Variants in GRM7 observed in about 807,000 individuals in gnomAD.
GRM7 encodes glutamate metabotropic receptor 7.
A neutral mutation model predicts 84.5 loss-of-function variants in GRM7; 35 were observed. That is an observed-to-expected ratio of 0.41 (90% confidence interval 0.32 to 0.55). The LOEUF is 0.55. Ranked by LOEUF, GRM7 falls within the 20% of genes least tolerant of loss-of-function variation. GRM7 has a pLI of 0.19. For synonymous variants in GRM7, 487 were observed against 455.1 expected, an observed-to-expected ratio of 1.07 and a Z score of -0.89; for missense variants, 1,003 against 1,194.6, an observed-to-expected ratio of 0.84 and a Z score of 2.36.
chr3:7,145,290 A>G lies in GRM7; in HGVS notation c.520-1162A>G, dbSNP rs556181533. On this transcript the variant is annotated intron_variant, in intron 1 of 9. Coordinates refer to ENST00000357716, the MANE Select transcript of GRM7 (RefSeq NM_000844.4). ...GAGAGTTTGTAAGCAGAATTTTGTCAGAGTTGATCATTCTTACGTGAAAAT... is the reference window on the plus strand; with the variant it reads ...GAGAGTTTGTAAGCAGAATTTTGTCGGAGTTGATCATTCTTACGTGAAAAT... 2.9e-4 allele frequency among the ~76,000 whole-genome samples: 44 copies of G among 152,242 alleles called. 2 individuals carry two copies. The South Asian group carries it at 3.7e-3, about 13-fold the overall frequency.
chr3:7,529,730 C>T (rs1026578483), intron 7 of GRM7, among the ~76,000 whole-genome samples: 1 of 151,932 alleles, frequency 6.6e-6, no homozygotes, highest in Non-Finnish European at 1.5e-5. Flanking sequence ...ACTCTCCATC[C>T]TCAATGTCTA....
intron 2 of GRM7, among the ~76,000 whole-genome samples, chr3:7,197,683 A>G (rs1462029311): frequency 1.4e-5 from 2 of 146,740 alleles, no homozygotes; most frequent in Non-Finnish European, 3.0e-5. Context: ...CAAGGAAAAA[A>G]TACTTTTTAC....
At chr3:7,185,639 A>G (rs1695489341) in intron 2 of GRM7, among the ~76,000 whole-genome samples, 1 of 152,150 alleles carries the variant, frequency 6.6e-6, no homozygotes, top group Non-Finnish European at 1.5e-5. Context: ...AGTTCTTAAG[A>G]AGTGGTACCC....
chr3:7,527,996 T>G (rs1317424136), intron 7 of GRM7, among the ~76,000 whole-genome samples: 1 of 152,062 alleles, frequency 6.6e-6, no homozygotes, highest in Non-Finnish European at 1.5e-5. Context: ...ATTTTTTTGT[T>G]GCATCTTTGC....
intron 2 of GRM7, among the ~76,000 whole-genome samples, chr3:7,277,464 T>A (rs539654486): frequency 6.6e-6 from 1 of 152,102 alleles, no homozygotes; most frequent in Admixed American, 6.5e-5. Context: ...TAAATCTGGT[T>A]GTTTGGAGCT....
At position 7,610,984 on chromosome 3, in the gene GRM7, G is replaced by A. The variant is rs569982123; in HGVS notation, c.2451+31627G>A. Among the ~76,000 whole-genome samples, 21 of 152,278 alleles carry A rather than the reference G, an allele frequency of 1.4e-4. No homozygotes were observed. The South Asian group carries it at 3.9e-3, about 29-fold the overall frequency. On this transcript the variant is annotated intron_variant, in intron 8 of 9. Transcript: ENST00000357716. ...TTCCCTAGGCATAGCTGAGCCAGTA[G>A]TATTCTGTCTGTCCTTAAATATTTA...
At chr3:7,045,073 A>T (rs371236031) in intron 1 of GRM7, among the ~76,000 whole-genome samples, 2 of 152,270 alleles carry the variant, frequency 1.3e-5, no homozygotes, top group African/African-American at 4.8e-5. Context: ...AATGTGATGA[A>T]GGGTGGTGTG....
chr3:7,152,864 G>A (rs1377048875), intron 2 of GRM7, among the ~76,000 whole-genome samples: 1 of 152,172 alleles, frequency 6.6e-6, no homozygotes, highest in Non-Finnish European at 1.5e-5. Context: ...AGATATTCAT[G>A]TTCCTAGCCT....
At chr3:7,694,250 A>C (rs1448461186) in intron 9 of GRM7, 1 of 154,058 alleles carries the variant, frequency 6.5e-6, no homozygotes, top group African/African-American at 2.4e-5. Context: ...GAAATAAATA[A>C]AGGTAAAGGG....
chr3:7,125,235 G>A (rs977659888), intron 1 of GRM7, among the ~76,000 whole-genome samples: 5 of 152,150 alleles, frequency 3.3e-5, no homozygotes, highest in Non-Finnish European at 5.9e-5. Context: ...CACCATGCCC[G>A]GCCTAATAGT....
intron 7 of GRM7, among the ~76,000 whole-genome samples, chr3:7,506,054 G>C (rs1700030643): frequency 6.6e-6 from 1 of 152,092 alleles, no homozygotes; most frequent in Admixed American, 6.6e-5. Flanking sequence ...TTTACTGTAA[G>C]TGGTTAAAAA....
intron 1 of GRM7, among the ~76,000 whole-genome samples, chr3:6,962,358 A>C (rs1426717831): frequency 6.6e-6 from 1 of 152,210 alleles, no homozygotes; most frequent in Non-Finnish European, 1.5e-5. Context: ...AGAGCTATGA[A>C]TTATATCTAC....
At position 7,475,737 on chromosome 3, in the gene GRM7, G is replaced by A. The variant is rs1483446544; in HGVS notation, c.1515+14015G>A. On this transcript the variant is annotated intron_variant, in intron 7 of 9. Transcript: ENST00000357716. ...TGGCAAAACCATTGAAGATTTTCTG[G>A]AAGCCTTGCAGATTTCACTGTCAAG... Among the ~76,000 whole-genome samples the A allele has an allele frequency of 2.6e-5, 4 of 152,172 alleles. 1 individual carries two copies. Among genetic ancestry groups the A allele is most frequent in the Admixed American group, 2.6e-4 (4 of 15,278 alleles).
intron 4 of GRM7, among the ~76,000 whole-genome samples, chr3:7,359,805 T>C (rs1575217150): frequency 6.7e-6 from 1 of 148,704 alleles, no homozygotes; most frequent in East Asian, 1.9e-4. Flanking sequence ...TTGAGCAAAG[T>C]ATAAACTTAA....
chr3:7,326,211 A>C (rs2125060008), intron 4 of GRM7, among the ~76,000 whole-genome samples: 1 of 152,154 alleles, frequency 6.6e-6, no homozygotes, highest in African/African-American at 2.4e-5. Flanking sequence ...TGAGAGAAAA[A>C]CAACACCCTA....
rs1694564113 is a variant in GRM7 at position 7,380,951 on chromosome 3, G to A, written c.1034-34072G>A. On this transcript the variant is annotated intron_variant, in intron 4 of 9. Transcript: ENST00000357716. The stretch of plus-strand genomic sequence containing the variant: ...TTCTATTAAAATGGAGACTATAAAA[G>A]GAAGACCGTGTGTTTTGAAGTCATA... Among the ~76,000 whole-genome samples the A allele has an allele frequency of 2.0e-5, 3 of 152,178 alleles. No individual in the cohort carries two copies. The South Asian group carries it at 6.2e-4, about 32-fold the overall frequency.
At chr3:7,356,521 CA>C (rs1255735857) in intron 4 of GRM7, among the ~76,000 whole-genome samples, 1 of 151,978 alleles carries the variant, frequency 6.6e-6, no homozygotes, top group African/African-American at 2.4e-5. Context: ...AGCCTGGTCT[CA>C]AACTCCTGAG....
At chr3:6,886,207 C>T (rs1185864351) in intron 1 of GRM7, among the ~76,000 whole-genome samples, 2 of 151,960 alleles carry the variant, frequency 1.3e-5, no homozygotes, top group Non-Finnish European at 2.9e-5. Flanking sequence ...CCATGTTGTA[C>T]ATTCGATCTG....
chr3:6,920,437 C>A (rs1001351475), intron 1 of GRM7, among the ~76,000 whole-genome samples: 13 of 152,102 alleles, frequency 8.5e-5, no homozygotes, highest in Non-Finnish European at 1.5e-4. Flanking sequence ...CACAAGTAAT[C>A]CAAGCTGCTC....
Sources: gnomAD v4.1 joint callset for allele counts (sites outside exome capture counted in the v4.1 genomes callset) on GRCh38, gnomAD v4.1.1 for gene constraint, MANE v1.5 for transcripts, NCBI Gene and HGNC (gene_info 2026-07-23, HGNC 2026-07-21) for gene names.